Variants in EFNA5 observed in about 807,000 individuals in gnomAD.
EFNA5 encodes ephrin-A5.
A neutral mutation model predicts 22.9 loss-of-function variants in EFNA5; 5 were observed. The observed-to-expected ratio is 0.22, with a 90% CI of 0.11 to 0.46. The LOEUF (loss-of-function observed/expected upper bound fraction) is 0.46. Among genes scored for constraint, EFNA5 ranks in the 20% least tolerant of loss-of-function variants. The pLI, the probability that EFNA5 is intolerant of heterozygous loss-of-function variation, is 0.99. For synonymous variants in EFNA5, 113 were observed against 112.2 expected, an observed-to-expected ratio of 1.01 and a Z score of -0.04; for missense variants, 237 against 293.3, an observed-to-expected ratio of 0.81 and a Z score of 1.40.
chr5:107,589,942 C>T (rs1749281950), intron 1 of EFNA5, among the ~76,000 whole-genome samples: 2 of 152,188 alleles, frequency 1.3e-5, no homozygotes, highest in Admixed American at 1.3e-4. Context: ...AAAAGTGCTC[C>T]TGCCTTTTCT....
chr5:107,446,972 T>C (rs1376594618), intron 1 of EFNA5, among the ~76,000 whole-genome samples: 1 of 152,170 alleles, frequency 6.6e-6, no homozygotes, highest in Admixed American at 6.5e-5. Context: ...CAAAAGTGAA[T>C]GTCAATCCTT....
At chr5:107,549,910 T>C (rs1170319861) in intron 1 of EFNA5, among the ~76,000 whole-genome samples, 1 of 152,214 alleles carries the variant, frequency 6.6e-6, no homozygotes, top group Admixed American at 6.5e-5. Flanking sequence ...ACCTCTCAAA[T>C]GTAAAAAGGG....
At chr5:107,653,825 G>T (rs1750778144) in intron 1 of EFNA5, among the ~76,000 whole-genome samples, 1 of 152,090 alleles carries the variant, frequency 6.6e-6, no homozygotes. Context: ...TACTTAATGT[G>T]ACCCATGTAT....
rs34467356 is a variant in EFNA5 at position 107,642,934 on chromosome 5, G to GA, written c.125+27554dup. Among the ~76,000 whole-genome samples the GA allele has an allele frequency of 8.8e-3, 1,174 of 133,692 alleles. 11 individuals are homozygous for GA. Among genetic ancestry groups the GA allele is most frequent in the Admixed American group, 0.034 (448 of 13,136 alleles). The allele number at this position is 133,692 out of a possible 152,430, so 87.7% of individuals were successfully genotyped here. A position where few individuals can be genotyped will look rare whatever the true frequency, so the allele number is the denominator to read the frequency against. ...TGTCATTTTGTCCATTTCCTCACCT[G>GA]AAAAAAAAAAAAAAAACTAATCTAG... On this transcript the variant is annotated intron_variant, in intron 1 of 4. Transcript: ENST00000333274.
chr5:107,437,954 A>G (rs1749159820), intron 1 of EFNA5, among the ~76,000 whole-genome samples: 1 of 152,236 alleles, frequency 6.6e-6, no homozygotes, highest in Admixed American at 6.5e-5. Flanking sequence ...CTAAGGCAGA[A>G]TGAAAGTTTC....
chr5:107,617,086 A>G (rs183037525), intron 1 of EFNA5, among the ~76,000 whole-genome samples: 2 of 152,240 alleles, frequency 1.3e-5, no homozygotes, highest in Admixed American at 1.3e-4. Flanking sequence ...CCCACTGCAT[A>G]TCTTCAGCTT....
intron 1 of EFNA5, among the ~76,000 whole-genome samples, chr5:107,572,352 G>A (rs972681624): frequency 2.0e-5 from 3 of 152,124 alleles, no homozygotes; most frequent in Admixed American, 6.5e-5. Context: ...AGCAGTCACC[G>A]CCCCAAACCA....
At chr5:107,522,124 GAACACTAAAA>G (rs1161407980) in intron 1 of EFNA5, among the ~76,000 whole-genome samples, 10 of 152,126 alleles carry the variant, frequency 6.6e-5, no homozygotes, top group Non-Finnish European at 1.2e-4. Context: ...TCTGTTATCT[GAACACTAAAA>G]AGTACAACAT....
At chr5:107,381,459 C>T (rs978206186) in intron 4 of EFNA5, 83 bp from the exon 5 acceptor site, 11 of 1,462,766 alleles carry the variant, frequency 7.5e-6, no homozygotes, top group African/African-American at 1.4e-5. Flanking sequence ...TAACAGACCT[C>T]GCCACCCTCT....
chr5:107,418,582 T>C (rs1179266446), intron 2 of EFNA5, among the ~76,000 whole-genome samples: 3 of 152,206 alleles, frequency 2.0e-5, no homozygotes, highest in African/African-American at 7.2e-5. Context: ...GCTTCCTCTG[T>C]CTCATAATAG....
intron 1 of EFNA5, among the ~76,000 whole-genome samples, chr5:107,457,773 A>G (rs1749732165): frequency 6.6e-6 from 1 of 152,182 alleles, no homozygotes; most frequent in South Asian, 2.1e-4. Context: ...CTCAATTTCT[A>G]TAAACACACA....
intron 1 of EFNA5, among the ~76,000 whole-genome samples, chr5:107,481,849 C>CAAAAAAAAAAAAA (rs3078574): frequency 8.3e-6 from 1 of 119,860 alleles, no homozygotes. Flanking sequence ...GACTCCATCT[C>CAAAAAAAAAAAAA]AAAAAAAAAA....
chr5:107,561,621 A>G (rs998596548), intron 1 of EFNA5, among the ~76,000 whole-genome samples: 1 of 151,704 alleles, frequency 6.6e-6, no homozygotes, highest in South Asian at 2.1e-4. Context: ...GCCCACCTAA[A>G]CCTCCCAGAG....
chr5:107,442,949 A>C (rs1420865949), intron 1 of EFNA5, among the ~76,000 whole-genome samples: 2 of 151,596 alleles, frequency 1.3e-5, no homozygotes, highest in Non-Finnish European at 2.9e-5. Flanking sequence ...AAAAAAAAAA[A>C]AAAACCCTGT....
chr5:107,487,147 C>CCGTCAGCA (rs1746652541), intron 1 of EFNA5, among the ~76,000 whole-genome samples: 1 of 152,188 alleles, frequency 6.6e-6, no homozygotes, highest in African/African-American at 2.4e-5. Flanking sequence ...TGTATTCCTG[C>CCGTCAGCA]CGTCAGCACT....
chr5:107,401,317 G>A (rs1748077362), intron 2 of EFNA5, among the ~76,000 whole-genome samples: 2 of 152,164 alleles, frequency 1.3e-5, no homozygotes, highest in African/African-American at 4.8e-5. Flanking sequence ...GCTGCTTAGT[G>A]GAAGAAAACT....
intron 1 of EFNA5, among the ~76,000 whole-genome samples, chr5:107,659,070 T>A (rs1249169612): frequency 6.6e-6 from 1 of 152,212 alleles, no homozygotes; most frequent in Admixed American, 6.5e-5. Flanking sequence ...CACAATGGTC[T>A]TAAGTTCCTT....
intron 1 of EFNA5, among the ~76,000 whole-genome samples, chr5:107,660,077 T>C (rs1008168600): frequency 6.6e-6 from 1 of 151,402 alleles, no homozygotes; most frequent in African/African-American, 2.4e-5. Flanking sequence ...ACTATGGTGA[T>C]GTCAAAGTGT....
At chr5:107,524,824 A>G (rs2112446331) in intron 1 of EFNA5, among the ~76,000 whole-genome samples, 1 of 152,270 alleles carries the variant, frequency 6.6e-6, no homozygotes, top group Middle Eastern at 3.4e-3. Context: ...CACTTTTGCA[A>G]TTTTAGAAAC....
Sources: allele counts gnomAD v4.1 joint callset (sites outside exome capture counted in the v4.1 genomes callset), GRCh38; gene constraint gnomAD v4.1.1; transcripts MANE v1.5; gene names NCBI Gene and HGNC (gene_info 2026-07-23, HGNC 2026-07-21).